DNM3: variants seen among roughly 807,000 people sequenced by gnomAD.
DNM3 encodes the protein dynamin 3.
Under a neutral mutation model 101.6 loss-of-function variants are expected in DNM3, and 47 were observed. That is an observed-to-expected ratio of 0.46 (90% CI 0.37 to 0.59). DNM3 has a LOEUF of 0.59. Ranked by LOEUF, DNM3 falls within the 20% of genes least tolerant of loss-of-function variation. The pLI is 0.00. For missense variants in DNM3, 849 were observed against 1,085.7 expected (o/e 0.78, Z 3.06); for synonymous variants, 385 against 387.9 (o/e 0.99, Z 0.09).
chr1:172,217,982 G>A (rs1032615979), intron 14 of DNM3, among the ~76,000 whole-genome samples: 1 of 152,082 alleles, frequency 6.6e-6, no homozygotes, highest in Non-Finnish European at 1.5e-5. Context: ...TAGATAATGA[G>A]GTAGGAAAAA....
chr1:172,038,041 T>C (rs2049094998), intron 6 of DNM3, among the ~76,000 whole-genome samples: 1 of 152,154 alleles, frequency 6.6e-6, no homozygotes, highest in Admixed American at 6.6e-5. Flanking sequence ...TTAGTAACAT[T>C]AGCTGCATTT....
At chr1:172,142,964 A>G (rs563144747) in intron 14 of DNM3, among the ~76,000 whole-genome samples, 1 of 152,114 alleles carries the variant, frequency 6.6e-6, no homozygotes, top group South Asian at 2.1e-4. Flanking sequence ...CCAAGTCACA[A>G]TAGAAAATGA....
At chr1:172,296,142 A>G (rs1397185827) in intron 15 of DNM3, among the ~76,000 whole-genome samples, 1 of 152,230 alleles carries the variant, frequency 6.6e-6, no homozygotes, top group Non-Finnish European at 1.5e-5. Flanking sequence ...TCTATGGAAT[A>G]CCTACTAGTG....
At chr1:171,898,732 A>G (rs2038039522) in intron 1 of DNM3, among the ~76,000 whole-genome samples, 1 of 151,624 alleles carries the variant, frequency 6.6e-6, no homozygotes, top group Non-Finnish European at 1.5e-5. Flanking sequence ...ATCATATTGT[A>G]CATTTGGGCT....
chr1:172,068,465 T>C (rs2051879884), intron 10 of DNM3, among the ~76,000 whole-genome samples: 1 of 152,202 alleles, frequency 6.6e-6, no homozygotes, highest in African/African-American at 2.4e-5. Context: ...ATATAAAATG[T>C]TAGTCATTAT....
intron 1 of DNM3, among the ~76,000 whole-genome samples, chr1:171,889,468 A>T (rs890802544): frequency 6.6e-6 from 1 of 152,238 alleles, no homozygotes; most frequent in Non-Finnish European, 1.5e-5. Context: ...GCTTTTAATT[A>T]AAATGGAGCT....
Position 172,308,809 on chromosome 1 carries a change from A to G in DNM3, c.1851A>G (p.Leu617=), listed in dbSNP as rs745686286. The G allele has an allele frequency of 1.2e-6, 2 of 1,610,522 alleles. No individual in the cohort carries two copies. The highest frequency in any genetic ancestry group is 2.7e-5 in the African/African-American group (2 of 74,788). The change falls in exon 16 of 21, where the codon CTA becomes CTG. Residue 617 remains leucine, a synonymous_variant. Coordinates refer to ENST00000627582, the MANE Select transcript of DNM3 (RefSeq NM_015569.5). Reference sequence around the variant, plus strand: ...TCGACAGCTGGAAGGCATCTCTACTAAGAGCTGGGGTCTATCCTGACAAAT... The same window carrying G: ...TCGACAGCTGGAAGGCATCTCTACTGAGAGCTGGGGTCTATCCTGACAAAT... ...EDVDSWKASL[L]RAGVYPDKSV...
chr1:171,904,189 G>A (rs61805805), intron 1 of DNM3, among the ~76,000 whole-genome samples: 9,020 of 151,348 alleles, frequency 0.06, 410 homozygotes, highest in Non-Finnish European at 0.096. Flanking sequence ...TCACGCACCT[G>A]TAGTCCCAGC....
At chr1:171,962,560 G>A (rs879614410) in intron 2 of DNM3, among the ~76,000 whole-genome samples, 7 of 152,058 alleles carry the variant, frequency 4.6e-5, no homozygotes, top group South Asian at 4.2e-4. Context: ...TAGCTGATTC[G>A]GTTCCTGGTG....
intron 17 of DNM3, among the ~76,000 whole-genome samples, chr1:172,372,100 G>A (rs540712309): frequency 2.0e-4 from 22 of 112,674 alleles, no homozygotes; most frequent in African/African-American, 5.7e-4. Flanking sequence ...AGAGTGTGAT[G>A]TTCCCCTTCC....
chr1:171,907,760 C>T (rs1044560413), intron 1 of DNM3, among the ~76,000 whole-genome samples: 2 of 152,136 alleles, frequency 1.3e-5, no homozygotes, highest in Admixed American at 1.3e-4. Context: ...TTACTTTGAT[C>T]CACTATTTAA....
At chr1:171,981,790 T>A (rs938105930) in intron 2 of DNM3, among the ~76,000 whole-genome samples, 1 of 152,230 alleles carries the variant, frequency 6.6e-6, no homozygotes, top group Non-Finnish European at 1.5e-5. Context: ...TTTTATTTTG[T>A]GAAAATGAAA....
chr1:172,228,534 T>G (rs979258588), intron 14 of DNM3, among the ~76,000 whole-genome samples: 8 of 152,158 alleles, frequency 5.3e-5, no homozygotes, highest in Non-Finnish European at 1.2e-4. Context: ...TTGTTTTCTT[T>G]GGTTATTGTT....
At chr1:172,302,833 A>T (rs1326752073) in intron 15 of DNM3, among the ~76,000 whole-genome samples, 1 of 152,224 alleles carries the variant, frequency 6.6e-6, no homozygotes, top group African/African-American at 2.4e-5. Flanking sequence ...AATAGCATCA[A>T]CATCAACAAA....
chr1:172,335,790 G>C (rs1225785349), intron 17 of DNM3, among the ~76,000 whole-genome samples: 1 of 152,138 alleles, frequency 6.6e-6, no homozygotes, highest in Admixed American at 6.5e-5. Flanking sequence ...GGGACTACTG[G>C]ATAGGGGAGG....
intron 15 of DNM3, among the ~76,000 whole-genome samples, chr1:172,271,083 T>C (rs954953238): frequency 1.3e-5 from 2 of 152,154 alleles, no homozygotes; most frequent in African/African-American, 4.8e-5. Context: ...GAGGACTCCT[T>C]TTCACTCTTA....
At chr1:172,275,464 C>G (rs1206008531) in intron 15 of DNM3, among the ~76,000 whole-genome samples, 1 of 151,914 alleles carries the variant, frequency 6.6e-6, no homozygotes. Context: ...CTTTCAAATA[C>G]CTGAATCATA....
At chr1:171,851,038 G>T (rs1390795283) in intron 1 of DNM3, among the ~76,000 whole-genome samples, 1 of 152,138 alleles carries the variant, frequency 6.6e-6, no homozygotes, top group Non-Finnish European at 1.5e-5. Context: ...TTCAAAGTGT[G>T]CCACAGGTAA....
chr1:172,334,870 A>C (rs1051663587), intron 17 of DNM3, among the ~76,000 whole-genome samples: 1 of 152,152 alleles, frequency 6.6e-6, no homozygotes, highest in Admixed American at 6.5e-5. Flanking sequence ...ATAAAAAAAA[A>C]CTAATTTTTA....
Sources: allele counts gnomAD v4.1 joint callset (sites outside exome capture counted in the v4.1 genomes callset), GRCh38; gene constraint gnomAD v4.1.1; transcripts MANE v1.5; gene names NCBI Gene and HGNC (gene_info 2026-07-23, HGNC 2026-07-21).